The following MON1A variants were observed in gnomAD, a reference collection of about 807,000 sequenced individuals.
MON1A encodes the protein MON1 vesicular trafficking associated A, also known as vacuolar fusion protein MON1 homolog A.
In MON1A, 29 loss-of-function variants were observed where a neutral mutation model predicts 44.6. That is an observed-to-expected ratio of 0.65 (90% CI 0.48 to 0.89). The LOEUF (loss-of-function observed/expected upper bound fraction) is 0.89, where lower values mean the gene tolerates loss of function less well. MON1A is among the 40% of genes least tolerant of loss of function. The pLI, the probability that MON1A is intolerant of heterozygous loss-of-function variation, is 0.00. For synonymous variants in MON1A, 275 were observed against 316.4 expected (o/e 0.87, Z 1.39); for missense variants, 615 against 759.6 (o/e 0.81, Z 2.24).
intron 1 of MON1A, among the ~76,000 whole-genome samples, chr3:49,927,183 C>T (rs772187636): frequency 1.3e-5 from 2 of 152,174 alleles, no homozygotes; most frequent in Non-Finnish European, 2.9e-5. Context: ...GATGTGGCCT[C>T]TGGAAACCCC....
chr3:49,913,107 G>A (rs1287422594), intron 2 of MON1A, 113 bp downstream of exon 2: 3 of 1,413,728 alleles, frequency 2.1e-6, no homozygotes, highest in Non-Finnish European at 3.0e-6. Context: ...AATATCCAAT[G>A]AGTGACTGAC....
At chr3:49,921,343 A>C (rs989189672) in intron 1 of MON1A, among the ~76,000 whole-genome samples, 30 of 150,630 alleles carry the variant, frequency 2.0e-4, no homozygotes, top group Admixed American at 1.6e-3. Context: ...ATTTTTTAGT[A>C]GAGACGAGGT....
Position 49,911,457 on chromosome 3 carries a change from G to T in MON1A, c.613+69C>A. On this transcript the variant is annotated intron_variant, in intron 3 of 5. Transcript: ENST00000296473. This position sits in a 1 kb window ranked among gnomAD's most constrained non-coding sequence, Gnocchi z 5.7. ...ACATCCCAGCCCTCTGGTCTGCAGG[G>T]GTCCAAAACCTGCTATGAATGAACC... The T allele has an allele frequency of 6.5e-7, 1 of 1,538,538 alleles. No individual in the cohort carries two copies. The highest frequency in any genetic ancestry group is 8.7e-7 in the Non-Finnish European group (1 of 1,145,022).
At chr3:49,922,463 C>T (rs1213760502) in intron 1 of MON1A, among the ~76,000 whole-genome samples, 1 of 136,688 alleles carries the variant, frequency 7.3e-6, no homozygotes, top group South Asian at 2.4e-4. Flanking sequence ...CCCTGGGTGA[C>T]AGAGCGAGAC....
chr3:49,920,788 A>T (rs953192593), intron 1 of MON1A: 1 of 152,038 alleles, frequency 6.6e-6, no homozygotes, highest in Non-Finnish European at 1.5e-5. Context: ...CAGTGAGCCA[A>T]GATCGTGCCA....
intron 1 of MON1A, among the ~76,000 whole-genome samples, chr3:49,926,614 G>A (rs917076570): frequency 1.3e-5 from 2 of 151,908 alleles, no homozygotes; most frequent in Non-Finnish European, 2.9e-5. Context: ...GTGCCACCAC[G>A]CCTGGCTAAT....
rs541421908 is a variant in MON1A at position 49,928,225 on chromosome 3, G to A, written c.-14+1384C>T. On this transcript the variant is annotated intron_variant, in intron 1 of 5. Transcript: ENST00000296473. ...ATCTCAGCATCTCCTAGGTCAGTCT[G>A]GGGTCCAGCCAGAGGCCTGATGAAG... Among the ~76,000 whole-genome samples the A allele has an allele frequency of 7.2e-5, 11 of 152,254 alleles. No individual in the cohort carries two copies. In the East Asian group the frequency reaches 2.1e-3, roughly 29 times the overall value.
intron 1 of MON1A, 92 bp downstream of exon 1, chr3:49,929,517 G>T: frequency 7.1e-7 from 1 of 1,411,354 alleles, no homozygotes; most frequent in Non-Finnish European, 9.8e-7. Context: ...GTTGATGGCT[G>T]GAGGCCCCCG....
At chr3:49,928,175 C>T (rs1575482235) in intron 1 of MON1A, among the ~76,000 whole-genome samples, 2 of 152,276 alleles carry the variant, frequency 1.3e-5, no homozygotes, top group East Asian at 3.9e-4. Flanking sequence ...CACAATAGTT[C>T]TCCTGCCACC....
rs752527712 is a variant in MON1A, at chr3:49,909,045, C to T, written c.1637G>A (p.Arg546His). The T allele has an allele frequency of 9.9e-6, 16 of 1,613,628 alleles. No homozygotes were observed. The highest frequency in any genetic ancestry group is 5.0e-5 in the Admixed American group (3 of 59,948). ...GGTGAGGGGCGTGAGAATGAAGAGG[C>T]GGTCTTCCTCTTTGCGGATCCAGCG... ...LMRWIRKEED[R>H]LFILTPLTY is the part of the protein sequence containing the mutation. The change falls in exon 6 of 6, where the codon CGC becomes CAC. Residue 546 changes from arginine to histidine, a missense_variant. By Grantham distance (29) the Arg-to-His change is conservative (BLOSUM62 0). Transcript: ENST00000296473. The surrounding 1 kb of genome is among the most constrained non-coding windows in gnomAD (Gnocchi z 4.0).
Position 49,910,162 on chromosome 3 carries a change from G to T in MON1A, c.1336C>A (p.Arg446Ser). ...SVAQVGIPDL[R>S]HFLYKSKSSG... ...CTCTTTGACTTATAGAGGAAGTGAC[G>T]CAGGTCAGGGATGCCCACTTGGGCA... The change falls in exon 4 of 6, where the codon CGT (arginine) becomes AGT (serine). Residue 446 changes from arginine (R) to serine (S), a missense_variant. Coordinates refer to ENST00000296473, the MANE Select transcript of MON1A (RefSeq NM_032355.4). This position sits in a 1 kb window ranked among gnomAD's most constrained non-coding sequence, Gnocchi z 8.0. 1.2e-6 allele frequency: 2 copies of T among 1,608,142 alleles called. No individual in the cohort carries two copies. Among genetic ancestry groups the T allele is most frequent in the Non-Finnish European group, 1.7e-6 (2 of 1,175,284 alleles).
At chr3:49,921,639 T>G (rs989327855) in intron 1 of MON1A, among the ~76,000 whole-genome samples, 16 of 28,848 alleles carry the variant, frequency 5.5e-4, no homozygotes, top group African/African-American at 2.2e-3. Flanking sequence ...GTGGTAGCAC[T>G]TTTTTTTTTT....
At chr3:49,928,129 C>A (rs1002708108) in intron 1 of MON1A, among the ~76,000 whole-genome samples, 1 of 152,148 alleles carries the variant, frequency 6.6e-6, no homozygotes, top group Non-Finnish European at 1.5e-5. Context: ...TTGGCGGGGG[C>A]CAGATCAGCT....
Position 49,911,410 on chromosome 3 carries a change from G to T in MON1A, c.613+116C>A, listed in dbSNP as rs1038099118. The stretch of plus-strand genomic sequence containing the variant: ...ACCTTGAAGCTCAGAGAGGTAGAGG[G>T]ACTTACCCTCAGTCACACAGCACAT... On this transcript the variant is annotated intron_variant, in intron 3 of 5. Transcript: ENST00000296473. The surrounding 1 kb of genome is among the most constrained non-coding windows in gnomAD (Gnocchi z 5.7). 1 of 1,419,888 alleles carries T rather than the reference G, an allele frequency of 7.0e-7. No individual in the cohort carries two copies. Among genetic ancestry groups the T allele is most frequent in the Non-Finnish European group, 9.4e-7 (1 of 1,059,656 alleles). The allele number at this position is 1,419,888 out of a possible 1,614,324, so 88.0% of individuals were successfully genotyped here.
At chr3:49,929,242 C>T in intron 1 of MON1A, 1 of 343,122 alleles carries the variant, frequency 2.9e-6, no homozygotes, top group Non-Finnish European at 5.4e-6. Context: ...AAGCAAAGAC[C>T]CAAGCCCCTT....
chr3:49,911,749 T>A lies in MON1A; in HGVS notation c.390A>T (p.Pro130=). Reference sequence around the variant, plus strand: ...TGCCCTCCCTGGGGGGCTCTGTGGCTGGTCGCCCAACTGCCCCTGGGGGTT... The same window carrying A: ...TGCCCTCCCTGGGGGGCTCTGTGGCAGGTCGCCCAACTGCCCCTGGGGGTT... ...WLEPPGAVGR[P]ATEPPREGTT... Residue 130 remains proline, a synonymous_variant, in exon 3 of 6, where the codon CCA becomes CCT. Transcript: ENST00000296473. The surrounding 1 kb of genome is among the most constrained non-coding windows in gnomAD (Gnocchi z 5.7). The A allele has an allele frequency of 6.2e-7, 1 of 1,613,604 alleles. No individual in the cohort carries two copies. Among genetic ancestry groups the A allele is most frequent in the Non-Finnish European group, 8.5e-7 (1 of 1,179,766 alleles).
At position 49,913,095 on chromosome 3, in the gene MON1A, C is replaced by G. The variant is rs1254332333; in HGVS notation, c.127+125G>C. The G allele has an allele frequency of 6.0e-6, 8 of 1,343,646 alleles. No individual in the cohort carries two copies. In the African/African-American group the frequency reaches 1.1e-4, roughly 19 times the overall value. The allele number at this position is 1,343,646 out of a possible 1,614,324, so 83.2% of individuals were successfully genotyped here. Reference sequence around the variant, plus strand: ...CTCCTGCCTTATCCCCAGAACCTGACAAATATCCAATGAGTGACTGACAAA... The same window carrying G: ...CTCCTGCCTTATCCCCAGAACCTGAGAAATATCCAATGAGTGACTGACAAA... On this transcript the variant is annotated intron_variant, in intron 2 of 5. Coordinates refer to ENST00000296473, the MANE Select transcript of MON1A (RefSeq NM_032355.4).
In MON1A at chr3:49,909,590, C is replaced by G; in HGVS notation, c.1380-190G>C. 1.4e-6 allele frequency: 1 copy of G among 694,536 alleles called. No individual in the cohort carries two copies. Among genetic ancestry groups the G allele is most frequent in the East Asian group, 2.7e-5 (1 of 36,408 alleles). 43.0% of individuals were successfully genotyped at this position (694,536 alleles called of 1,614,324 possible). On this transcript the variant is annotated intron_variant, in intron 4 of 5. Coordinates refer to ENST00000296473, the MANE Select transcript of MON1A (RefSeq NM_032355.4). The surrounding 1 kb of genome is among the most constrained non-coding windows in gnomAD (Gnocchi z 4.0). ...CAGGACAGGGCTGGGCCCACTGAGA[C>G]TAGAGCTATGTCCCCTCTTACCCCC...
At chr3:49,914,789 G>T (rs185592105) in intron 1 of MON1A, among the ~76,000 whole-genome samples, 1 of 150,922 alleles carries the variant, frequency 6.6e-6, no homozygotes, top group African/African-American at 2.4e-5. Flanking sequence ...CTTGTGATCC[G>T]CCTGCCTTGG....
Sources: allele counts gnomAD v4.1 joint callset (sites outside exome capture counted in the v4.1 genomes callset), GRCh38; gene constraint gnomAD v4.1.1; non-coding constraint Gnocchi (gnomAD v3.1); transcripts MANE v1.5; gene names NCBI Gene and HGNC (gene_info 2026-07-23, HGNC 2026-07-21).